The following GHR variants were observed in gnomAD, a reference collection of about 807,000 sequenced individuals.
GHR encodes GH receptor.
A neutral mutation model predicts 67.1 loss-of-function variants in GHR; 35 were observed. The ratio of observed to expected loss-of-function variants is 0.52; its 90% CI spans 0.40 to 0.69. GHR has a LOEUF of 0.69. Among genes scored for constraint, GHR ranks in the 30% least tolerant of loss-of-function variants. The pLI, the probability that GHR is intolerant of heterozygous loss-of-function variation, is 0.00. For synonymous variants in GHR, 272 were observed against 269.1 expected (o/e 1.01, Z -0.10); for missense variants, 792 against 764.6 (o/e 1.04, Z -0.42).
intron 1 of GHR, chr5:42,468,439 G>A (rs1744836291): frequency 5.3e-6 from 5 of 936,806 alleles, no homozygotes; most frequent in African/African-American, 1.7e-5. Flanking sequence ...GGGCCAAGAT[G>A]AGTATTGCCT....
intron 1 of GHR, among the ~76,000 whole-genome samples, chr5:42,484,549 G>A (rs143120869): frequency 0.011 from 1,632 of 152,262 alleles, 63 homozygotes; most frequent in Admixed American, 0.058. Flanking sequence ...GAAATATGCA[G>A]CCTGCTGCTC....
At chr5:42,434,075 A>G (rs1431193418) in intron 1 of GHR, among the ~76,000 whole-genome samples, 1 of 152,120 alleles carries the variant, frequency 6.6e-6, no homozygotes, top group Non-Finnish European at 1.5e-5. Flanking sequence ...TTTCTTAAAC[A>G]ATGTTCCAAG....
chr5:42,710,752 G>A lies in GHR; in HGVS notation c.619-455G>A, dbSNP rs146579494. Among the ~76,000 whole-genome samples, 110 of 152,172 alleles carry A rather than the reference G, an allele frequency of 7.2e-4. 2 individuals are homozygous for A. The highest frequency in any genetic ancestry group is 1.4e-3 in the Non-Finnish European group (93 of 67,984). ...TCTGTGATTATGTGAATGACTACCC[G>A]GAATTTCCATCAAACACTGATATAC... On this transcript the variant is annotated intron_variant, in intron 6 of 9. Coordinates refer to ENST00000230882, the MANE Select transcript of GHR (RefSeq NM_000163.5).
At chr5:42,652,732 T>C (rs1045686794) in intron 3 of GHR, among the ~76,000 whole-genome samples, 1 of 152,150 alleles carries the variant, frequency 6.6e-6, no homozygotes, top group Non-Finnish European at 1.5e-5. Flanking sequence ...GTAACAAGCC[T>C]CTGAGGTAGG....
rs963007440 is a variant in GHR, at chr5:42,721,255, C to T, written c.*1831C>T. ...ATCATTCTTGAGAGCATTGGGATAT[C>T]TCCTGAAAAGGTTTATGAAAAAGAA... is the stretch of plus-strand genomic sequence containing the variant. On this transcript the variant is annotated 3_prime_UTR_variant, in exon 10 of 10. Transcript: ENST00000230882. 1 of 152,132 alleles carries T rather than the reference C, an allele frequency of 6.6e-6. No individual in the cohort carries two copies. Among genetic ancestry groups the T allele is most frequent in the African/African-American group, 2.4e-5 (1 of 41,434 alleles). The allele number at this position is 152,132 out of a possible 1,614,324, so 9.4% of individuals were successfully genotyped here. A position where few individuals can be genotyped will look rare whatever the true frequency, so the allele number is the denominator to read the frequency against.
chr5:42,585,872 T>C (rs1159910586), intron 2 of GHR, among the ~76,000 whole-genome samples: 1 of 152,164 alleles, frequency 6.6e-6, no homozygotes, highest in Non-Finnish European at 1.5e-5. Flanking sequence ...CATGAAGGCA[T>C]AAAGCTGAAG....
intron 3 of GHR, among the ~76,000 whole-genome samples, chr5:42,636,376 T>C (rs1322458536): frequency 5.9e-5 from 9 of 152,208 alleles, no homozygotes; most frequent in Admixed American, 3.9e-4. Flanking sequence ...CAAACATTCT[T>C]TCACCCTGGG....
intron 1 of GHR, among the ~76,000 whole-genome samples, chr5:42,439,248 T>C (rs1243548064): frequency 6.6e-6 from 1 of 152,238 alleles, no homozygotes; most frequent in Non-Finnish European, 1.5e-5. Flanking sequence ...TTTGAACTTT[T>C]AAGAAATCCT....
At chr5:42,642,595 G>T (rs1317850622) in intron 3 of GHR, among the ~76,000 whole-genome samples, 2 of 152,142 alleles carry the variant, frequency 1.3e-5, no homozygotes, top group South Asian at 2.1e-4. Flanking sequence ...CTGTGGATAA[G>T]TATTTTCAGT....
At chr5:42,584,932 G>T (rs577924685) in intron 2 of GHR, among the ~76,000 whole-genome samples, 1 of 152,282 alleles carries the variant, frequency 6.6e-6, no homozygotes, top group African/African-American at 2.4e-5. Context: ...GACTGGTAAA[G>T]AGCGGAAAGA....
intron 1 of GHR, among the ~76,000 whole-genome samples, chr5:42,528,137 C>G (rs1313776343): frequency 6.6e-6 from 1 of 152,110 alleles, no homozygotes; most frequent in Non-Finnish European, 1.5e-5. Context: ...GCCTATGTAT[C>G]AAGGAGTAAT....
At chr5:42,506,908 A>G (rs950155444) in intron 1 of GHR, among the ~76,000 whole-genome samples, 2 of 152,238 alleles carry the variant, frequency 1.3e-5, no homozygotes, top group African/African-American at 4.8e-5. Flanking sequence ...TTGAAAATTA[A>G]CAGCAGTATT....
intron 8 of GHR, among the ~76,000 whole-genome samples, chr5:42,717,025 G>A (rs189802258): frequency 6.6e-6 from 1 of 152,300 alleles, no homozygotes; most frequent in East Asian, 1.9e-4. Flanking sequence ...TAAACTCCAG[G>A]CCAGATACAA....
chr5:42,705,572 T>C (rs1758137423), intron 6 of GHR, among the ~76,000 whole-genome samples: 1 of 151,978 alleles, frequency 6.6e-6, no homozygotes, highest in African/African-American at 2.4e-5. Context: ...TACCCTCCAG[T>C]AGGCCCCAGT....
intron 1 of GHR, among the ~76,000 whole-genome samples, chr5:42,462,091 CAGGGT>C (rs1371809143): frequency 6.6e-6 from 1 of 152,186 alleles, no homozygotes; most frequent in East Asian, 1.9e-4. Flanking sequence ...GTTTCAGAAG[CAGGGT>C]CTTAAAAATG....
At chr5:42,618,956 A>G (rs1753304908) in intron 2 of GHR, among the ~76,000 whole-genome samples, 1 of 152,076 alleles carries the variant, frequency 6.6e-6, no homozygotes, top group Non-Finnish European at 1.5e-5. Flanking sequence ...CTTGCACATA[A>G]TAAGTGCTCA....
intron 1 of GHR, among the ~76,000 whole-genome samples, chr5:42,451,428 T>C (rs1309335317): frequency 6.6e-6 from 1 of 152,062 alleles, no homozygotes; most frequent in African/African-American, 2.4e-5. Flanking sequence ...CTTTAAAGTC[T>C]GTTTTGTCTG....
intron 4 of GHR, among the ~76,000 whole-genome samples, chr5:42,690,914 G>A (rs1757392324): frequency 6.6e-6 from 1 of 152,176 alleles, no homozygotes; most frequent in East Asian, 1.9e-4. Context: ...TAGCCAAACT[G>A]TAAAGAAAAG....
intron 1 of GHR, among the ~76,000 whole-genome samples, chr5:42,519,118 T>C (rs1579858439): frequency 6.6e-6 from 1 of 152,298 alleles, no homozygotes; most frequent in East Asian, 1.9e-4. Context: ...TAATATCGTA[T>C]ATACTTTGTT....
Sources: gnomAD v4.1 joint callset for allele counts (sites outside exome capture counted in the v4.1 genomes callset) on GRCh38, gnomAD v4.1.1 for gene constraint, MANE v1.5 for transcripts, NCBI Gene and HGNC (gene_info 2026-07-23, HGNC 2026-07-21) for gene names.